The following HYDIN variants were observed in gnomAD, a reference collection of about 807,000 sequenced individuals.
The protein encoded by HYDIN is HYDIN axonemal central pair apparatus protein.
Under a neutral mutation model 403.9 loss-of-function variants are expected in HYDIN, and 132 were observed. The observed-to-expected ratio is 0.33, with a 90% CI of 0.28 to 0.38. HYDIN has a LOEUF of 0.38. Among genes scored for constraint, HYDIN ranks in the 10% least tolerant of loss-of-function variants. The pLI, the probability that HYDIN is intolerant of heterozygous loss-of-function variation, is 1.00. For missense variants in HYDIN, 2,827 were observed against 5,009.5 expected (o/e 0.56, Z 13.15); for synonymous variants, 1,202 against 1,891.7 (o/e 0.64, Z 9.46).
chr16:71,051,190 G>C (rs2081623157), intron 18 of HYDIN, among the ~76,000 whole-genome samples: 1 of 152,074 alleles, frequency 6.6e-6, no homozygotes, highest in African/African-American at 2.4e-5. Flanking sequence ...AATTTAATTT[G>C]TTATATTAAC....
At chr16:70,888,541 T>C (rs9922518) in intron 58 of HYDIN, among the ~76,000 whole-genome samples, 7,701 of 147,566 alleles carry the variant, frequency 0.052, 37 homozygotes, top group African/African-American at 0.2. Flanking sequence ...GTTCTGTTGA[T>C]GCCATGGGAG....
At chr16:70,870,896 T>C (rs1040874396) in intron 65 of HYDIN, among the ~76,000 whole-genome samples, 1 of 150,404 alleles carries the variant, frequency 6.6e-6, no homozygotes, top group Non-Finnish European at 1.5e-5. Flanking sequence ...CCAGGTGTGG[T>C]GGTGTGCATC....
rs914971759 is a variant in HYDIN at position 70,809,979 on chromosome 16, AG to A, written c.14686del (p.Leu4896Ter). The A allele has an allele frequency of 6.2e-7, 1 of 1,614,078 alleles. No homozygotes were observed. The highest frequency in any genetic ancestry group is 1.3e-5 in the African/African-American group (1 of 74,920). On this transcript the variant is annotated frameshift_variant, in exon 85 of 86. Coordinates refer to ENST00000393567, the MANE Select transcript of HYDIN (RefSeq NM_001270974.2). LOFTEE classifies it high-confidence loss of function. ...TCTTCCGAAGGTTTCTCCAGCTTTC[AG>A]GGGCTGAAATTCAAATGAGAACGTG... Reference protein sequence around the residue: ...EGTFSFEFQPLKAGETFGRLT... With the variant: ...EGTFSFEFQPXKAGETFGRLT...
intron 23 of HYDIN, among the ~76,000 whole-genome samples, chr16:70,995,018 C>T (rs2079482919): frequency 6.6e-6 from 1 of 151,628 alleles, no homozygotes; most frequent in Non-Finnish European, 1.5e-5. Flanking sequence ...AAAACAACAC[C>T]TCAGTTGACA....
At chr16:70,950,459 C>T (rs1384274401) in intron 41 of HYDIN, among the ~76,000 whole-genome samples, 3 of 151,652 alleles carry the variant, frequency 2.0e-5, no homozygotes, top group Non-Finnish European at 4.4e-5. Flanking sequence ...GGTTTCATCA[C>T]GTTGGCCAGG....
rs1257080632 is a variant in HYDIN at position 70,865,755 on chromosome 16, G to C, written c.11471+414C>G. The stretch of plus-strand genomic sequence containing the variant: ...AGGGACCCCAGAAGATATATCTGCA[G>C]AGTGGTTAGGAGAAATGATGGTCTT... On this transcript the variant is annotated intron_variant, in intron 67 of 85. Coordinates refer to ENST00000393567, the MANE Select transcript of HYDIN (RefSeq NM_001270974.2). Among the ~76,000 whole-genome samples, 4 of 152,232 alleles carry C rather than the reference G, an allele frequency of 2.6e-5. No individual in the cohort carries two copies. In the East Asian group the frequency reaches 7.7e-4, roughly 29 times the overall value.
intron 1 of HYDIN, among the ~76,000 whole-genome samples, chr16:71,218,567 G>A (rs1483849861): frequency 1.3e-5 from 2 of 152,102 alleles, no homozygotes; most frequent in African/African-American, 2.4e-5. Context: ...ATGTAAAAAC[G>A]CAAATGATTA....
At chr16:71,038,653 TCTC>T (rs1314552369) in intron 18 of HYDIN, among the ~76,000 whole-genome samples, 4 of 152,262 alleles carry the variant, frequency 2.6e-5, no homozygotes, top group Admixed American at 2.0e-4. Context: ...CCAAGGCATT[TCTC>T]TTTTTTTAAA....
At chr16:71,229,011 A>G (rs2041162669) in intron 1 of HYDIN, among the ~76,000 whole-genome samples, 1 of 152,102 alleles carries the variant, frequency 6.6e-6, no homozygotes, top group Admixed American at 6.5e-5. Context: ...TTGTAGGGAC[A>G]TGGATGAAGC....
intron 10 of HYDIN, among the ~76,000 whole-genome samples, chr16:71,094,196 T>TTTTTA (rs2083203254): frequency 6.6e-6 from 1 of 151,918 alleles, no homozygotes. Context: ...CAAAAGACAT[T>TTTTTA]CTTTACAATA....
At chr16:70,937,852 C>T (rs1436140156) in intron 44 of HYDIN, among the ~76,000 whole-genome samples, 1 of 150,652 alleles carries the variant, frequency 6.6e-6, no homozygotes, top group Non-Finnish European at 1.5e-5. Flanking sequence ...GAACCACTGC[C>T]CCCCACCCCA....
intron 5 of HYDIN, among the ~76,000 whole-genome samples, chr16:71,163,645 A>G (rs1597919994): frequency 6.6e-6 from 1 of 152,136 alleles, no homozygotes; most frequent in East Asian, 1.9e-4. Context: ...GGTCCAGCCT[A>G]CTGCAGGATG....
chr16:70,911,739 T>A (rs1200567951), intron 47 of HYDIN, among the ~76,000 whole-genome samples: 2 of 152,148 alleles, frequency 1.3e-5, no homozygotes, highest in Non-Finnish European at 1.5e-5. Flanking sequence ...TACCCATCCA[T>A]GAGCATGAGA....
intron 44 of HYDIN, among the ~76,000 whole-genome samples, chr16:70,937,974 T>A (rs1230318951): frequency 6.6e-6 from 1 of 151,964 alleles, no homozygotes; most frequent in African/African-American, 2.4e-5. Flanking sequence ...CTAGGAGGCA[T>A]GGGGGGATCG....
At chr16:71,035,883 T>A (rs1419610682) in intron 18 of HYDIN, among the ~76,000 whole-genome samples, 8 of 151,980 alleles carry the variant, frequency 5.3e-5, no homozygotes, top group Admixed American at 2.0e-4. Flanking sequence ...AAAGGAGGGT[T>A]GTGTGCTAGG....
At chr16:71,225,341 C>A (rs570101504) in intron 1 of HYDIN, among the ~76,000 whole-genome samples, 1 of 152,156 alleles carries the variant, frequency 6.6e-6, no homozygotes, top group South Asian at 2.1e-4. Context: ...AAGAAACTAG[C>A]CCTGGCCCTG....
chr16:70,914,936 C>T (rs1159869064), intron 47 of HYDIN, among the ~76,000 whole-genome samples: 7 of 141,802 alleles, frequency 4.9e-5, no homozygotes, highest in Non-Finnish European at 3.1e-5. Context: ...ATTGTTGAGA[C>T]TTTCCAGAGC....
At chr16:71,016,441 G>A (rs533574131) in intron 23 of HYDIN, among the ~76,000 whole-genome samples, 54 of 151,732 alleles carry the variant, frequency 3.6e-4, no homozygotes, top group African/African-American at 1.3e-3. Context: ...CTGTTAGGAC[G>A]GCTGTTACTA....
chr16:71,084,540 C>T (rs2082877424), intron 12 of HYDIN, among the ~76,000 whole-genome samples: 1 of 151,152 alleles, frequency 6.6e-6, no homozygotes, highest in African/African-American at 2.4e-5. Context: ...GCATGCATCA[C>T]CATGCCCAGT....
Sources: allele counts gnomAD v4.1 joint callset (sites outside exome capture counted in the v4.1 genomes callset), GRCh38; gene constraint gnomAD v4.1.1; transcripts MANE v1.5; gene names NCBI Gene and HGNC (gene_info 2026-07-23, HGNC 2026-07-21).